RSU1: variants seen among roughly 807,000 people sequenced by gnomAD.
The protein encoded by RSU1 is Ras suppressor protein 1, also known as rsu-1.
In RSU1, 26 loss-of-function variants were observed where a neutral mutation model predicts 31.1. The observed-to-expected ratio is 0.84, with a 90% CI of 0.61 to 1.16. The LOEUF is 1.16. RSU1 is among the 50% of genes most tolerant of loss of function. RSU1 has a pLI of 0.00. For synonymous variants in RSU1, 164 were observed against 136.3 expected (o/e 1.20, Z -1.41); for missense variants, 320 against 339.1 (o/e 0.94, Z 0.44).
intron 3 of RSU1, 132 bp downstream of exon 3, chr10:16,781,902 A>C (rs1213919412): frequency 2.7e-6 from 2 of 735,714 alleles, no homozygotes; most frequent in Non-Finnish European, 4.6e-6. Flanking sequence ...TCTTAGTGTC[A>C]CCAAAGTAAA....
intron 4 of RSU1, among the ~76,000 whole-genome samples, chr10:16,757,404 A>C (rs1429996801): frequency 6.6e-6 from 1 of 152,142 alleles, no homozygotes; most frequent in Non-Finnish European, 1.5e-5. Context: ...AGAGGGGGCA[A>C]CCAAAAGGGA....
intron 8 of RSU1, among the ~76,000 whole-genome samples, chr10:16,618,696 G>C (rs1222497457): frequency 6.6e-6 from 1 of 152,144 alleles, no homozygotes; most frequent in African/African-American, 2.4e-5. Flanking sequence ...GATGAAGCTG[G>C]AAGCCATCAT....
chr10:16,596,020 C>T (rs1833606324), intron 8 of RSU1, among the ~76,000 whole-genome samples: 2 of 151,868 alleles, frequency 1.3e-5, no homozygotes, highest in Non-Finnish European at 2.9e-5. Context: ...TATAGGGGCT[C>T]CCCCAACCTA....
chr10:16,775,664 C>G (rs1837511954), intron 3 of RSU1, among the ~76,000 whole-genome samples: 1 of 152,214 alleles, frequency 6.6e-6, no homozygotes, highest in Non-Finnish European at 1.5e-5. Flanking sequence ...ATCTCAGGTG[C>G]TCACTCACTA....
At chr10:16,813,333 A>C (rs1218004707) in intron 2 of RSU1, among the ~76,000 whole-genome samples, 2 of 152,242 alleles carry the variant, frequency 1.3e-5, no homozygotes, top group East Asian at 3.8e-4. Flanking sequence ...TACAGGTTCT[A>C]ATAAGCCACA....
At chr10:16,733,730 T>C (rs1336678461) in intron 7 of RSU1, among the ~76,000 whole-genome samples, 1 of 152,138 alleles carries the variant, frequency 6.6e-6, no homozygotes, top group African/African-American at 2.4e-5. Flanking sequence ...ATACTGAACA[T>C]GCAGAAATTC....
chr10:16,736,738 T>C (rs1215972001), intron 7 of RSU1, among the ~76,000 whole-genome samples: 1 of 151,980 alleles, frequency 6.6e-6, no homozygotes, highest in Non-Finnish European at 1.5e-5. Context: ...AATCAGAAAT[T>C]ACATTACCAG....
chr10:16,739,605 G>T (rs1196910150), intron 7 of RSU1, among the ~76,000 whole-genome samples: 1 of 151,320 alleles, frequency 6.6e-6, no homozygotes, highest in Admixed American at 6.6e-5. Flanking sequence ...TGAGTAGCTG[G>T]GACTACACAT....
At chr10:16,738,746 G>A (rs974694681) in intron 7 of RSU1, among the ~76,000 whole-genome samples, 5 of 152,038 alleles carry the variant, frequency 3.3e-5, no homozygotes, top group Non-Finnish European at 5.9e-5. Flanking sequence ...GAACTTGCAG[G>A]TTTGTTACGT....
intron 2 of RSU1, among the ~76,000 whole-genome samples, chr10:16,800,704 T>A (rs1356006306): frequency 6.6e-6 from 1 of 152,228 alleles, no homozygotes; most frequent in African/African-American, 2.4e-5. Context: ...AAATGTCTGA[T>A]TTTAAGTTAC....
rs1297161531 is a variant in RSU1, at chr10:16,774,898, G to C, written c.160+7136C>G. Among the ~76,000 whole-genome samples the C allele has an allele frequency of 4.6e-5, 7 of 152,234 alleles. No individual in the cohort carries two copies. In the East Asian group the frequency reaches 1.4e-3, roughly 29 times the overall value. The stretch of plus-strand genomic sequence containing the variant: ...GCAGGAGGACCACTTGAGCCCAGGA[G>C]TTTGAGTCCAGCCTGGGCAAATTAG... On this transcript the variant is annotated intron_variant, in intron 3 of 8. Coordinates refer to ENST00000345264, the MANE Select transcript of RSU1 (RefSeq NM_012425.4).
chr10:16,781,117 C>G (rs1381457989), intron 3 of RSU1, among the ~76,000 whole-genome samples: 1 of 152,100 alleles, frequency 6.6e-6, no homozygotes, highest in Non-Finnish European at 1.5e-5. Context: ...TCGGAAAGCT[C>G]CTTCACAAAT....
At chr10:16,687,877 G>C (rs1282940933) in intron 8 of RSU1, among the ~76,000 whole-genome samples, 1 of 151,954 alleles carries the variant, frequency 6.6e-6, no homozygotes, top group African/African-American at 2.4e-5. Flanking sequence ...GTGCCACCAT[G>C]CCCGGCTAAT....
chr10:16,781,187 C>T (rs951720404), intron 3 of RSU1, among the ~76,000 whole-genome samples: 1 of 152,088 alleles, frequency 6.6e-6, no homozygotes, highest in African/African-American at 2.4e-5. Context: ...GCAAAAAGAA[C>T]TGAGTCATTA....
rs1833514413 is a variant in RSU1 at position 16,592,027 on chromosome 10, C to CTGTT, written c.*1363_*1366dup. ...GGCCTCTCTGATTGAAATGCGAAGT[C>CTGTT]TGTTTCCTAAGTAACTCAGAACTTG... On this transcript the variant is annotated 3_prime_UTR_variant, in exon 9 of 9. Coordinates refer to ENST00000345264, the MANE Select transcript of RSU1 (RefSeq NM_012425.4). The CTGTT allele has an allele frequency of 6.6e-6, 1 of 152,188 alleles. No individual in the cohort carries two copies. The highest frequency in any genetic ancestry group is 1.9e-4 in the East Asian group (1 of 5,170). The allele number at this position is 152,188 out of a possible 1,614,324, so 9.4% of individuals were successfully genotyped here.
chr10:16,767,385 C>A (rs536256919), intron 3 of RSU1: 1 of 152,274 alleles, frequency 6.6e-6, no homozygotes, highest in South Asian at 2.1e-4. Context: ...GAGATTATTT[C>A]ACTCTCCTTG....
intron 8 of RSU1, among the ~76,000 whole-genome samples, chr10:16,641,398 A>G (rs2131501826): frequency 1.3e-5 from 2 of 152,192 alleles, no homozygotes; most frequent in Middle Eastern, 6.8e-3. Flanking sequence ...AGGCTGAGGC[A>G]GAAGACTCGT....
At chr10:16,606,803 C>T (rs775805963) in intron 8 of RSU1, among the ~76,000 whole-genome samples, 6 of 152,162 alleles carry the variant, frequency 3.9e-5, no homozygotes, top group South Asian at 2.1e-4. Context: ...TCTTGTTTTA[C>T]GATAAGGACA....
At chr10:16,595,737 G>C (rs368083440) in intron 8 of RSU1, among the ~76,000 whole-genome samples, 1 of 152,088 alleles carries the variant, frequency 6.6e-6, no homozygotes. Context: ...GGGAGGGTAA[G>C]GCAGGCAGAT....
Sources: allele counts gnomAD v4.1 joint callset (sites outside exome capture counted in the v4.1 genomes callset), GRCh38; gene constraint gnomAD v4.1.1; transcripts MANE v1.5; gene names NCBI Gene and HGNC (gene_info 2026-07-23, HGNC 2026-07-21).